The following SYNE2 variants were observed in gnomAD, a reference collection of about 807,000 sequenced individuals.
SYNE2 encodes spectrin repeat containing nuclear envelope protein 2, also known as nesprin-2.
In SYNE2, 431 loss-of-function variants were observed where a neutral mutation model predicts 856.3. The ratio of observed to expected loss-of-function variants is 0.50; its 90% confidence interval spans 0.47 to 0.55. SYNE2 has a LOEUF of 0.55. Ranked by LOEUF, SYNE2 falls within the 20% of genes least tolerant of loss-of-function variation. The pLI is 0.00. For synonymous variants in SYNE2, 2,923 were observed against 2,872.3 expected, an observed-to-expected ratio of 1.02 and a Z score of -0.56; for missense variants, 8,129 against 8,023.2, an observed-to-expected ratio of 1.01 and a Z score of -0.50.
intron 63 of SYNE2, chr14:64,099,762 ATTATAC>A (rs1160847882): frequency 1.3e-5 from 2 of 151,710 alleles, no homozygotes; most frequent in Admixed American, 1.3e-4. Flanking sequence ...TTTAATTATT[ATTATAC>A]TTTAAGTTTT....
chr14:63,835,287 A>G (rs1179483983), intron 1 of SYNE2, among the ~76,000 whole-genome samples: 2 of 151,990 alleles, frequency 1.3e-5, no homozygotes, highest in East Asian at 1.9e-4. Flanking sequence ...AGGCTGGAGT[A>G]CAGTGGTCCA....
intron 1 of SYNE2, among the ~76,000 whole-genome samples, chr14:63,824,485 A>G (rs566652923): frequency 6.6e-6 from 1 of 151,418 alleles, no homozygotes; most frequent in Non-Finnish European, 1.5e-5. Flanking sequence ...TTAAAAACAC[A>G]AAAATCAGCT....
chr14:63,907,750 A>G (rs2095425690), intron 1 of SYNE2, among the ~76,000 whole-genome samples: 1 of 152,122 alleles, frequency 6.6e-6, no homozygotes, highest in Non-Finnish European at 1.5e-5. Flanking sequence ...TATATCGCAA[A>G]GCTGAGGATG....
At chr14:63,928,131 T>C (rs1236594878) in intron 2 of SYNE2, among the ~76,000 whole-genome samples, 3 of 151,120 alleles carry the variant, frequency 2.0e-5, no homozygotes, top group African/African-American at 7.3e-5. Flanking sequence ...ACCAGAGCTA[T>C]GAGGGGGCAA....
At chr14:64,036,751 TG>T (rs1460892885) in intron 45 of SYNE2, among the ~76,000 whole-genome samples, 1 of 152,204 alleles carries the variant, frequency 6.6e-6, no homozygotes, top group Non-Finnish European at 1.5e-5. Context: ...CTATTAATAT[TG>T]GAAATGGAAG....
In SYNE2 at chr14:64,049,722, T is replaced by C. The variant is rs2153573752; in HGVS notation, c.7489T>C (p.Ser2497Pro). The C allele has an allele frequency of 1.2e-6, 2 of 1,614,150 alleles. No individual in the cohort carries two copies. The highest frequency in any genetic ancestry group is 1.3e-5 in the African/African-American group (1 of 75,044). Residue 2497 changes from serine to proline, a missense_variant, in exon 47 of 116, where the codon TCG (serine) becomes CCG (proline). Coordinates refer to ENST00000555002, the MANE Select transcript of SYNE2 (RefSeq NM_182914.3). ...CTTGGTTCTCCACAATATAGGATAT[T>C]CGGCACAGCATTTGGACAATTTGCT... ...GALVLHNIGY[S>P]AQHLDNLLQA...
intron 1 of SYNE2, among the ~76,000 whole-genome samples, chr14:63,801,169 T>G (rs1249600155): frequency 6.6e-6 from 1 of 152,060 alleles, no homozygotes; most frequent in Non-Finnish European, 1.5e-5. Context: ...GCAGAGTGCC[T>G]GCCAGATATG....
chr14:63,789,821 C>A (rs1392051614), intron 1 of SYNE2, among the ~76,000 whole-genome samples: 1 of 151,574 alleles, frequency 6.6e-6, no homozygotes, highest in East Asian at 1.9e-4. Context: ...AAGGAGACCT[C>A]ACCAAAGACA....
chr14:64,164,716 G>T (rs1281855429), intron 89 of SYNE2, among the ~76,000 whole-genome samples: 1 of 152,136 alleles, frequency 6.6e-6, no homozygotes, highest in Non-Finnish European at 1.5e-5. Flanking sequence ...CTCTCTATGT[G>T]GTCTCCTCAG....
chr14:64,058,231 C>T (rs1329538957), intron 49 of SYNE2, among the ~76,000 whole-genome samples: 1 of 152,102 alleles, frequency 6.6e-6, no homozygotes, highest in African/African-American at 2.4e-5. Flanking sequence ...CCAATGTTTT[C>T]TTTTAGTAGT....
chr14:64,224,539 C>A lies in SYNE2; in HGVS notation c.20461C>A (p.Arg6821=), dbSNP rs1423117372. 6.2e-7 allele frequency: 1 copy of A among 1,613,952 alleles called. No individual in the cohort carries two copies. The highest frequency in any genetic ancestry group is 1.3e-5 in the African/African-American group (1 of 74,898). Residue 6821 remains arginine, a synonymous_variant, in exon 114 of 116, where the codon CGA becomes AGA. Coordinates refer to ENST00000555002, the MANE Select transcript of SYNE2 (RefSeq NM_182914.3). ...QPPATSVPAP[R]AKFRAVRTTE... is the part of the protein sequence containing the mutation. ...TCCTGCAACATCCGTGCCAGCTCCC[C>A]GAGCAAAGGTAAGAAGCCCCTTCCT...
At chr14:63,997,224 A>G (rs1567006485) in intron 24 of SYNE2, 66 bp downstream of exon 24, 3 of 1,583,724 alleles carry the variant, frequency 1.9e-6, no homozygotes, top group Non-Finnish European at 2.6e-6. Flanking sequence ...ATCAAATGAC[A>G]TTAAGCGTTA....
At chr14:63,852,120 T>C (rs959507182), upstream of SYNE2, among the ~76,000 whole-genome samples, 1 of 151,264 alleles carries the variant, frequency 6.6e-6, no homozygotes, top group Non-Finnish European at 1.5e-5. Context: ...TGAGACCCTG[T>C]CTAAAAAATG....
intron 2 of SYNE2, among the ~76,000 whole-genome samples, chr14:63,919,302 A>C (rs1352430601): frequency 1.3e-5 from 2 of 152,196 alleles, no homozygotes; most frequent in East Asian, 3.8e-4. Context: ...TATATCATAG[A>C]GCTTGGGTGA....
chr14:64,212,938 A>T lies in SYNE2; in HGVS notation c.18989A>T (p.His6330Leu). ...VLIEDELEEL[H>L]RYCQEVFGRV... ...ATTGAGGATGAGCTGGAGGAACTCC[A>T]CCGCTACTGCCAGGAGGTGTTTGGA... The change falls in exon 105 of 116, where the codon CAC (histidine) becomes CTC (leucine). Residue 6330 changes from histidine (H) to leucine (L), a missense_variant. His to Leu is a moderately conservative substitution (Grantham distance 99). Around this residue, in one of 3 missense-constraint regions of SYNE2, gnomAD observed 5,410 missense variants for 5,284.8 expected, o/e 1.02. Transcript: ENST00000555002. 6.2e-7 allele frequency: 1 copy of T among 1,614,202 alleles called. No individual in the cohort carries two copies.
chr14:64,056,604 C>G (rs2097271642), intron 49 of SYNE2, among the ~76,000 whole-genome samples: 1 of 151,572 alleles, frequency 6.6e-6, no homozygotes, highest in African/African-American at 2.4e-5. Context: ...CTTGTGTGCT[C>G]CTCCTCTCTC....
chr14:64,106,149 A>C (rs1452333449), intron 64 of SYNE2, among the ~76,000 whole-genome samples: 1 of 132,710 alleles, frequency 7.5e-6, no homozygotes, highest in Non-Finnish European at 1.6e-5. Context: ...CCCCCAACCA[A>C]CACACAAGCT....
chr14:64,007,646 G>A (rs2096807499), intron 31 of SYNE2, among the ~76,000 whole-genome samples: 1 of 152,204 alleles, frequency 6.6e-6, no homozygotes, highest in African/African-American at 2.4e-5. Context: ...TGAGGCTGAA[G>A]TGAGAGGATT....
chr14:64,119,587 A>G lies in SYNE2; in HGVS notation c.13001A>G (p.Gln4334Arg), dbSNP rs755489241. 4 of 1,614,162 alleles carry G rather than the reference A, an allele frequency of 2.5e-6. No homozygotes were observed. In the Admixed American group the frequency reaches 5.0e-5, roughly 20 times the overall value. ...TTAGAAAAAGTCCAGATGATGCTTC[A>G]GGAGAAGCACAGTGAAGATCAGGTA... Reference protein sequence around the residue: ...CNLEKVQMMLQEKHSEDQHPT... With the variant: ...CNLEKVQMMLREKHSEDQHPT... The change falls in exon 67 of 116, where the codon CAG becomes CGG. Residue 4334 changes from glutamine to arginine, a missense_variant. Gln to Arg is a conservative substitution (Grantham distance 43). This residue lies in a region of SYNE2 where 5,410 missense variants were observed against 5,284.8 expected (regional missense o/e 1.02). Transcript: ENST00000555002.
Sources: gnomAD v4.1 joint callset for allele counts (sites outside exome capture counted in the v4.1 genomes callset) on GRCh38, gnomAD v4.1.1 for gene constraint, gnomAD v4.1.1 regional missense constraint, MANE v1.5 for transcripts, NCBI Gene and HGNC (gene_info 2026-07-23, HGNC 2026-07-21) for gene names.